The following BCL9L variants were observed in gnomAD, a reference collection of about 807,000 sequenced individuals.
BCL9L encodes the protein BCL9 like.
A neutral mutation model predicts 99.4 loss-of-function variants in BCL9L; 19 were observed. The ratio of observed to expected loss-of-function variants is 0.19; its 90% CI spans 0.13 to 0.28. The LOEUF (loss-of-function observed/expected upper bound fraction) is 0.28, where lower values mean the gene tolerates loss of function less well. Among genes scored for constraint, BCL9L ranks in the 10% least tolerant of loss-of-function variants. BCL9L has a pLI of 1.00. For missense variants in BCL9L, 2,023 were observed against 2,101.6 expected, an observed-to-expected ratio of 0.96 and a Z score of 0.73; for synonymous variants, 900 against 854.8, an observed-to-expected ratio of 1.05 and a Z score of -0.92.
Position 118,905,684 on chromosome 11 carries a change from G to C in BCL9L, c.532+1799C>G, listed in dbSNP as rs571702635. 1.4e-3 allele frequency among the ~76,000 whole-genome samples: 208 copies of C among 146,236 alleles called. No individual in the cohort carries two copies. The South Asian group carries it at 0.044, about 31-fold the overall frequency. On this transcript the variant is annotated intron_variant, in intron 5 of 9. Coordinates refer to ENST00000683865, the MANE Select transcript of BCL9L (RefSeq NM_001378213.1). ...ATACAAAAATTAGCCAGGCGTGGTG[G>C]CAGGTGCCTGTAATCCCAGCTACTC...
At position 118,898,311 on chromosome 11, in the gene BCL9L, C is replaced by CCCCCCCCCCCCCCCCCCCCCCCCCAA; in HGVS notation, c.*103_*104insTTGGGGGGGGGGGGGGGGGGGGGGGG. On this transcript the variant is annotated 3_prime_UTR_variant, in exon 10 of 10. Coordinates refer to ENST00000683865, the MANE Select transcript of BCL9L (RefSeq NM_001378213.1). ...CTACACAAGCCCCCTCCCACCCCCT[C>CCCCCCCCCCCCCCCCCCCCCCCCCAA]CACCCCACCCCGCGACCCAGGCCAT... 3 of 638,132 alleles carry CCCCCCCCCCCCCCCCCCCCCCCCCAA rather than the reference C, an allele frequency of 4.7e-6. No homozygotes were observed. Among genetic ancestry groups the CCCCCCCCCCCCCCCCCCCCCCCCCAA allele is most frequent in the Non-Finnish European group, 7.2e-6 (3 of 419,026 alleles). 39.5% of individuals were successfully genotyped at this position (638,132 alleles called of 1,614,324 possible).
At position 118,898,575 on chromosome 11, in the gene BCL9L, C is replaced by T; in HGVS notation, c.4340G>A (p.Ser1447Asn). Residue 1447 changes from serine (S) to asparagine (N), a missense_variant, in exon 10 of 10, where the codon AGC (serine) becomes AAC (asparagine). Physicochemically the swap from Ser to Asn is conservative, Grantham distance 46 (BLOSUM62 1). Coordinates refer to ENST00000683865, the MANE Select transcript of BCL9L (RefSeq NM_001378213.1). ...CGGGGAGAGCATGTGGGGCGGCTGGCTGTAGACCTCGCCCCCCACGCCCCG... is the reference window on the plus strand; with the variant it reads ...CGGGGAGAGCATGTGGGGCGGCTGGTTGTAGACCTCGCCCCCCACGCCCCG... ...KQRGVGGEVYSQPPHMLSPQG... is the reference protein window; with the variant it reads ...KQRGVGGEVYNQPPHMLSPQG... 1 of 1,610,416 alleles carries T rather than the reference C, an allele frequency of 6.2e-7. No individual in the cohort carries two copies. The highest frequency in any genetic ancestry group is 8.5e-7 in the Non-Finnish European group (1 of 1,178,740).
Position 118,905,731 on chromosome 11 carries a change from C to T in BCL9L, c.532+1752G>A, listed in dbSNP as rs1332081070. On this transcript the variant is annotated intron_variant, in intron 5 of 9. Coordinates refer to ENST00000683865, the MANE Select transcript of BCL9L (RefSeq NM_001378213.1). ...ACTCGGGAGGCTGAGGCAGGAAAAT[C>T]GCTTGAACTCAGGAGGCAGAGGTTG... 4.0e-5 allele frequency among the ~76,000 whole-genome samples: 6 copies of T among 148,232 alleles called. No individual in the cohort carries two copies. In the South Asian group the frequency reaches 8.6e-4, roughly 21 times the overall value.
chr11:118,909,593 G>A (rs534704896), intron 3 of BCL9L, among the ~76,000 whole-genome samples: 17 of 152,274 alleles, frequency 1.1e-4, no homozygotes, highest in Middle Eastern at 3.4e-3. Flanking sequence ...GGCGGCCTTC[G>A]GACCCCACAG....
rs762443735 is a variant in BCL9L, at chr11:118,898,301, C to T, written c.*114G>A. On this transcript the variant is annotated 3_prime_UTR_variant, in exon 10 of 10. Coordinates refer to ENST00000683865, the MANE Select transcript of BCL9L (RefSeq NM_001378213.1). ...ATGCCACTCCCTACACAAGCCCCCT[C>T]CCACCCCCTCCACCCCACCCCGCGA... is the stretch of plus-strand genomic sequence containing the variant. 4 of 332,066 alleles carry T rather than the reference C, an allele frequency of 1.2e-5. No homozygotes were observed. Among genetic ancestry groups the T allele is most frequent in the African/African-American group, 2.2e-5 (1 of 45,660 alleles). The allele number at this position is 332,066 out of a possible 1,614,324, so 20.6% of individuals were successfully genotyped here. A position where few individuals can be genotyped will look rare whatever the true frequency, so the allele number is the denominator to read the frequency against.
chr11:118,899,656 G>A (rs1163755671), intron 9 of BCL9L, 148 bp from the exon 10 acceptor site: 28 of 1,161,830 alleles, frequency 2.4e-5, no homozygotes, highest in Non-Finnish European at 3.3e-5. Flanking sequence ...GGAAGGGACT[G>A]GAGGCATTGA....
rs759059568 is a variant in BCL9L at position 118,902,128 on chromosome 11, C to T, written c.1615G>A (p.Gly539Arg). The T allele has an allele frequency of 6.2e-7, 1 of 1,614,086 alleles. No individual in the cohort carries two copies. The highest frequency in any genetic ancestry group is 1.7e-5 in the Admixed American group (1 of 60,026). Residue 539 changes from glycine to arginine, a missense_variant, in exon 8 of 10, where the codon GGG becomes AGG. Physicochemically the swap from Gly to Arg is moderately radical, Grantham distance 125. Transcript: ENST00000683865. The surrounding 1 kb of genome is among the most constrained non-coding windows in gnomAD (Gnocchi z 7.8). The stretch of plus-strand genomic sequence containing the variant: ...TGCAGAGGACGGCTCCCATGCAGCC[C>T]AATCTGTTCCTCTTTCCGCCGTTTC... ...EEKRRKEEQI[G>R]LHGSRPLQDM...
intron 3 of BCL9L, among the ~76,000 whole-genome samples, chr11:118,909,667 C>T (rs571451320): frequency 5.3e-5 from 8 of 152,198 alleles, no homozygotes; most frequent in African/African-American, 1.7e-4. Flanking sequence ...GACCAGAAGC[C>T]GCAAGCATAG....
intron 2 of BCL9L, among the ~76,000 whole-genome samples, chr11:118,911,890 T>C (rs1209843073): frequency 6.6e-6 from 1 of 152,260 alleles, no homozygotes; most frequent in Admixed American, 6.5e-5. Context: ...ACTACCTATG[T>C]TCACAGCCTC....
At position 118,899,189 on chromosome 11, in the gene BCL9L, A is replaced by C. The variant is rs773972335; in HGVS notation, c.3726T>G (p.Thr1242=). The C allele has an allele frequency of 4.0e-6, 6 of 1,489,742 alleles. No individual in the cohort carries two copies. Among genetic ancestry groups the C allele is most frequent in the Non-Finnish European group, 5.4e-6 (6 of 1,118,980 alleles). The allele number at this position is 1,489,742 out of a possible 1,614,324, so 92.3% of individuals were successfully genotyped here. A position where few individuals can be genotyped will look rare whatever the true frequency, so the allele number is the denominator to read the frequency against. Reference sequence around the variant, plus strand: ...GGCCAGGCCCCCCGCCCCCACCCCCAGTGGGGGCCATGGCACCATGGGGCT... The same window carrying C: ...GGCCAGGCCCCCCGCCCCCACCCCCCGTGGGGGCCATGGCACCATGGGGCT... ...LQQPHGAMAP[T]GGGGGGPGLQ... Residue 1242 remains threonine, a synonymous_variant, in exon 10 of 10, where the codon ACT becomes ACG. Coordinates refer to ENST00000683865, the MANE Select transcript of BCL9L (RefSeq NM_001378213.1).
chr11:118,909,873 C>T (rs759741925), intron 3 of BCL9L, 41 bp downstream of exon 3: 8 of 1,613,754 alleles, frequency 5.0e-6, no homozygotes, highest in Non-Finnish European at 6.8e-6. Context: ...CCTTCCCGCA[C>T]TCCACACACA....
chr11:118,923,671 C>T (rs1226984735), intron 1 of BCL9L, among the ~76,000 whole-genome samples: 1 of 152,182 alleles, frequency 6.6e-6, no homozygotes, highest in Admixed American at 6.5e-5. Context: ...TTCTACCTGC[C>T]CCTCAGCACC....
At position 118,900,990 on chromosome 11, in the gene BCL9L, G is replaced by C. The variant is rs141828809; in HGVS notation, c.2753C>G (p.Thr918Ser). Residue 918 changes from threonine to serine, a missense_variant, in exon 8 of 10, where the codon ACC becomes AGC. Thr to Ser is a moderately conservative substitution (Grantham distance 58). Coordinates refer to ENST00000683865, the MANE Select transcript of BCL9L (RefSeq NM_001378213.1). The surrounding 1 kb of genome is among the most constrained non-coding windows in gnomAD (Gnocchi z 5.3). ...TGAGCCCATCTGATTAATACTGATG[G>C]TGAGGTCCGAAGGCCGCCTGCCTAG... ...RGLGRRPSDL[T>S]ISINQMGSPG... 1 of 1,553,796 alleles carries C rather than the reference G, an allele frequency of 6.4e-7. No homozygotes were observed.
chr11:118,901,515 C>T lies in BCL9L; in HGVS notation c.2228G>A (p.Gly743Asp), dbSNP rs1208742122. 1 of 1,614,120 alleles carries T rather than the reference C, an allele frequency of 6.2e-7. No individual in the cohort carries two copies. The highest frequency in any genetic ancestry group is 8.5e-7 in the Non-Finnish European group (1 of 1,180,022). ...LAGTPMGMEF[G>D]GGRGLLSPPM... ...AGGGCTCAGGAGGCCCCGGCCTCCA[C>T]CAAACTCCATGCCCATGGGAGTGCC... Residue 743 changes from glycine (G) to aspartate (D), a missense_variant, in exon 8 of 10, where the codon GGT (glycine) becomes GAT (aspartate). Gly to Asp is a moderately conservative substitution (Grantham distance 94). Transcript: ENST00000683865. The surrounding 1 kb of genome is among the most constrained non-coding windows in gnomAD (Gnocchi z 6.6).
chr11:118,908,741 C>T (rs1940646036), intron 3 of BCL9L, 86 bp from the exon 4 acceptor site: 3 of 1,215,674 alleles, frequency 2.5e-6, no homozygotes, highest in Non-Finnish European at 3.4e-6. Flanking sequence ...CCTGCCTCCC[C>T]TAACAATGGG....
chr11:118,900,109 T>G lies in BCL9L; in HGVS notation c.3214A>C (p.Thr1072Pro), dbSNP rs779197188. The stretch of plus-strand genomic sequence containing the variant: ...GAAGGTGTGGGGTCTGGGGAGGAAG[T>G]GAATGGTAGGCTGGGGTTCATGAGG... Reference protein sequence around the residue: ...SGLMNPSLPFTSSPDPTPSQN... With the variant: ...SGLMNPSLPFPSSPDPTPSQN... The change falls in exon 9 of 10, where the codon ACT becomes CCT. Residue 1072 changes from threonine to proline, a missense_variant. Coordinates refer to ENST00000683865, the MANE Select transcript of BCL9L (RefSeq NM_001378213.1). The surrounding 1 kb of genome is among the most constrained non-coding windows in gnomAD (Gnocchi z 5.3). 6 of 1,613,230 alleles carry G rather than the reference T, an allele frequency of 3.7e-6. No individual in the cohort carries two copies. The East Asian group carries it at 1.1e-4, about 30-fold the overall frequency.
At chr11:118,912,479 T>TCCGCTCCCCCACC (rs995667823) in intron 2 of BCL9L, among the ~76,000 whole-genome samples, 1 of 151,682 alleles carries the variant, frequency 6.6e-6, no homozygotes, top group African/African-American at 2.4e-5. Context: ...GAGATATCCA[T>TCCGCTCCCCCACC]CCGCTCCCCC....
chr11:118,900,327 G>C lies in BCL9L; in HGVS notation c.3125-129C>G. 2 of 1,183,334 alleles carry C rather than the reference G, an allele frequency of 1.7e-6. No homozygotes were observed. Among genetic ancestry groups the C allele is most frequent in the Non-Finnish European group, 2.3e-6 (2 of 869,162 alleles). 73.3% of individuals were successfully genotyped at this position (1,183,334 alleles called of 1,614,324 possible). A position where few individuals can be genotyped will look rare whatever the true frequency, so the allele number is the denominator to read the frequency against. ...ACCTGGTCCTTCAGACACACCCACA[G>C]GCCCCCACTATCTCCAGAGCCCACC... On this transcript the variant is annotated intron_variant, in intron 8 of 9. Transcript: ENST00000683865. This position sits in a 1 kb window ranked among gnomAD's most constrained non-coding sequence, Gnocchi z 5.3.
At chr11:118,909,322 C>CT (rs1371857867) in intron 3 of BCL9L, among the ~76,000 whole-genome samples, 1 of 152,174 alleles carries the variant, frequency 6.6e-6, no homozygotes, top group Admixed American at 6.5e-5. Context: ...TTCCTGCAGC[C>CT]TAGGCTGCGG....
Sources: allele counts gnomAD v4.1 joint callset (sites outside exome capture counted in the v4.1 genomes callset), GRCh38; gene constraint gnomAD v4.1.1; non-coding constraint Gnocchi (gnomAD v3.1); transcripts MANE v1.5; gene names NCBI Gene and HGNC (gene_info 2026-07-23, HGNC 2026-07-21).